DAB1: variants seen among roughly 807,000 people sequenced by gnomAD.
DAB1 encodes the protein DAB adaptor protein 1.
In DAB1, 15 loss-of-function variants were observed where a neutral mutation model predicts 64.6. That is an observed-to-expected ratio of 0.23 (90% confidence interval 0.16 to 0.36). The LOEUF is 0.36. Among genes scored for constraint, DAB1 ranks in the 10% least tolerant of loss-of-function variants. The pLI is 1.00. For missense variants in DAB1, 596 were observed against 706.7 expected (o/e 0.84, Z 1.78); for synonymous variants, 235 against 251.9 (o/e 0.93, Z 0.64).
intron 6 of DAB1, among the ~76,000 whole-genome samples, chr1:57,659,481 T>C (rs1646359244): frequency 1.3e-5 from 2 of 151,698 alleles, no homozygotes; most frequent in African/African-American, 2.4e-5. Flanking sequence ...GTTTGTGGAG[T>C]GGTTGACAAG....
At chr1:58,472,558 G>A (rs1488880982) in intron 3 of DAB1, among the ~76,000 whole-genome samples, 1 of 152,182 alleles carries the variant, frequency 6.6e-6, no homozygotes, top group Non-Finnish European at 1.5e-5. Context: ...GCTTGACCAT[G>A]GGTGCTCTAT....
intron 2 of DAB1, among the ~76,000 whole-genome samples, chr1:57,212,419 G>A (rs1293188727): frequency 7.6e-6 from 1 of 131,554 alleles, no homozygotes; most frequent in African/African-American, 3.0e-5. Context: ...CCAGGCTGGA[G>A]TGCAGTGGCG....
intron 6 of DAB1, among the ~76,000 whole-genome samples, chr1:57,678,434 C>A (rs376242918): frequency 1.3e-5 from 2 of 152,154 alleles, no homozygotes; most frequent in Non-Finnish European, 2.9e-5. Context: ...GCAGGTTAGG[C>A]TTTTATTAAA....
At chr1:57,342,133 A>G (rs1258921095) in intron 1 of DAB1, among the ~76,000 whole-genome samples, 2 of 152,202 alleles carry the variant, frequency 1.3e-5, no homozygotes, top group Admixed American at 6.5e-5. Flanking sequence ...GAAGTTCTCA[A>G]AATGAACCTT....
chr1:58,246,138 G>C (rs563924113), intron 4 of DAB1, among the ~76,000 whole-genome samples: 1 of 147,126 alleles, frequency 6.8e-6, no homozygotes, highest in African/African-American at 2.5e-5. Context: ...TAACAAAAAT[G>C]AATAAGAGAA....
At chr1:57,745,165 A>G (rs1428375557) in intron 6 of DAB1, among the ~76,000 whole-genome samples, 2 of 152,138 alleles carry the variant, frequency 1.3e-5, no homozygotes, top group African/African-American at 4.8e-5. Context: ...GGAAATATTT[A>G]CCAAAGTAAA....
chr1:57,122,793 C>T (rs532879526), intron 4 of DAB1, among the ~76,000 whole-genome samples: 1 of 152,192 alleles, frequency 6.6e-6, no homozygotes, highest in East Asian at 1.9e-4. Context: ...GGAGCTTATT[C>T]ATTAATAAAT....
chr1:57,288,739 A>G (rs1482069882), intron 2 of DAB1, among the ~76,000 whole-genome samples: 1 of 151,968 alleles, frequency 6.6e-6, no homozygotes, highest in East Asian at 1.9e-4. Context: ...AAGAGAAAAG[A>G]GTGGAGAGGA....
intron 4 of DAB1, among the ~76,000 whole-genome samples, chr1:58,266,287 C>T (rs1661161616): frequency 6.6e-6 from 1 of 152,116 alleles, no homozygotes; most frequent in South Asian, 2.1e-4. Flanking sequence ...TCTGAAGGGG[C>T]CTTTTCAGTG....
intron 3 of DAB1, among the ~76,000 whole-genome samples, chr1:58,349,374 A>G (rs986046325): frequency 6.6e-6 from 1 of 152,174 alleles, no homozygotes; most frequent in African/African-American, 2.4e-5. Context: ...TATTGCTGGT[A>G]GCTATTTGAG....
At chr1:57,740,831 A>G (rs1005347092) in intron 6 of DAB1, among the ~76,000 whole-genome samples, 3 of 152,190 alleles carry the variant, frequency 2.0e-5, no homozygotes, top group Admixed American at 6.5e-5. Context: ...TTTTGTGTGG[A>G]TTTTATGTGC....
chr1:58,541,292 TCAAAAAAAAAAAAAAAAAAA>T (rs1224143755), intron 1 of DAB1, among the ~76,000 whole-genome samples: 6 of 16,222 alleles, frequency 3.7e-4, no homozygotes, highest in Admixed American at 1.5e-3. Context: ...AGACTCTGTC[TCAAAAAAAAAAAAAAAAAAA>T]AAAAAAAAAA....
intron 5 of DAB1, among the ~76,000 whole-genome samples, chr1:58,100,858 G>A (rs1441907433): frequency 6.6e-6 from 1 of 152,154 alleles, no homozygotes; most frequent in East Asian, 1.9e-4. Flanking sequence ...TGTGGATCTT[G>A]TTCTTGAGGT....
chr1:58,480,289 C>T (rs1481831027), intron 3 of DAB1, among the ~76,000 whole-genome samples: 2 of 152,104 alleles, frequency 1.3e-5, no homozygotes, highest in East Asian at 3.9e-4. Context: ...AAATGGTAAT[C>T]TCATGGAGCA....
chr1:57,500,890 G>A (rs1644282279), intron 7 of DAB1, among the ~76,000 whole-genome samples: 1 of 152,192 alleles, frequency 6.6e-6, no homozygotes, highest in African/African-American at 2.4e-5. Context: ...TTTGTATCTG[G>A]AGCTTTTTAC....
chr1:57,829,278 A>G (rs982751858), intron 1 of DAB1, among the ~76,000 whole-genome samples: 7 of 152,222 alleles, frequency 4.6e-5, no homozygotes, highest in Non-Finnish European at 2.9e-5. Flanking sequence ...CTTAAGAAAA[A>G]TGAAGTATAA....
intron 5 of DAB1, among the ~76,000 whole-genome samples, chr1:58,135,214 T>G (rs1241632948): frequency 6.6e-6 from 1 of 152,210 alleles, no homozygotes; most frequent in Non-Finnish European, 1.5e-5. Context: ...AATCCAGACA[T>G]ACCAACAAGG....
intron 2 of DAB1, among the ~76,000 whole-genome samples, chr1:57,157,584 GAGAGAGAGA>G (rs1660354476): frequency 6.6e-6 from 1 of 151,664 alleles, no homozygotes; most frequent in Non-Finnish European, 1.5e-5. Flanking sequence ...GAGAGAGAGA[GAGAGAGAGA>G]GAGAGAAAGC....
Position 58,536,647 on chromosome 1 carries a change from A to G in DAB1, n.33-9312T>C, listed in dbSNP as rs17117702. 7.6e-3 allele frequency: 6,628 copies of G among 872,864 alleles called. 279 individuals are homozygous for G. In the African/African-American group the frequency reaches 0.094, roughly 12 times the overall value. The allele number at this position is 872,864 out of a possible 1,614,324, so 54.1% of individuals were successfully genotyped here. A position where few individuals can be genotyped will look rare whatever the true frequency, so the allele number is the denominator to read the frequency against. ...ACAAAGAGCAATCCAAAACTACTCA[A>G]ACCAAGGAATAGCTTCCATTTATTC... On this transcript the variant is annotated intron_variant and non_coding_transcript_variant, in intron 1 of 20. Coordinates refer to the DAB1 transcript ENST00000485760.
Sources: allele counts gnomAD v4.1 joint callset (sites outside exome capture counted in the v4.1 genomes callset), GRCh38; gene constraint gnomAD v4.1.1; transcripts MANE v1.5; gene names NCBI Gene and HGNC (gene_info 2026-07-23, HGNC 2026-07-21).